Variants in TOM1 observed in about 807,000 individuals in gnomAD.
The protein encoded by TOM1 is target of Myb protein 1.
In TOM1, 38 loss-of-function variants were observed where a neutral mutation model predicts 61.3. The ratio of observed to expected loss-of-function variants is 0.62; its 90% CI spans 0.48 to 0.81. The LOEUF (loss-of-function observed/expected upper bound fraction) is 0.81. Ranked by LOEUF, TOM1 falls within the 40% of genes least tolerant of loss-of-function variation. The probability of loss-of-function intolerance (pLI) is 0.00; values close to 1 mark genes in which losing one functional copy is unlikely to be tolerated. For synonymous variants in TOM1, 270 were observed against 268.8 expected, an observed-to-expected ratio of 1.00 and a Z score of -0.04; for missense variants, 591 against 659.6, an observed-to-expected ratio of 0.90 and a Z score of 1.14.
At chr22:35,343,751 A>ACCACATGCATCTACACCTACACACACC in intron 12 of TOM1, among the ~76,000 whole-genome samples, 1 of 133,428 alleles carries the variant, frequency 7.5e-6, no homozygotes, top group African/African-American at 2.9e-5. Context: ...CTACACACAC[A>ACCACATGCATCTACACCTACACACACC]CCCCTACACC....
chr22:35,305,813 T>C (rs1402916439), intron 1 of TOM1, among the ~76,000 whole-genome samples: 1 of 152,158 alleles, frequency 6.6e-6, no homozygotes, highest in Non-Finnish European at 1.5e-5. Context: ...CTGGCTGCCT[T>C]GTTCAGTAGT....
intron 8 of TOM1, chr22:35,331,624 C>A: frequency 4.9e-6 from 1 of 203,312 alleles, no homozygotes; most frequent in Non-Finnish European, 1.0e-5. Flanking sequence ...TGGCTCACAC[C>A]TGTAATCCTA....
intron 1 of TOM1, among the ~76,000 whole-genome samples, chr22:35,305,658 C>CAAA (rs137868113): frequency 1.5e-5 from 2 of 130,500 alleles, no homozygotes; most frequent in African/African-American, 3.2e-5. Context: ...GACTCAATCT[C>CAAA]AAAAAAAAAA....
At chr22:35,313,405 C>T (rs966509445) in intron 1 of TOM1, among the ~76,000 whole-genome samples, 10 of 151,992 alleles carry the variant, frequency 6.6e-5, no homozygotes, top group Admixed American at 1.3e-4. Flanking sequence ...TGATCCTGCC[C>T]GTGGTGTGGC....
chr22:35,318,500 A>T (rs563512183), intron 2 of TOM1, among the ~76,000 whole-genome samples: 1 of 152,362 alleles, frequency 6.6e-6, no homozygotes, highest in African/African-American at 2.4e-5. Flanking sequence ...GGGTCACGGT[A>T]TCGTCTTGCT....
intron 12 of TOM1, among the ~76,000 whole-genome samples, chr22:35,343,115 CCACACACACCA>C (rs1165644829): frequency 5.2e-5 from 7 of 133,918 alleles, no homozygotes; most frequent in Non-Finnish European, 8.0e-5. Context: ...CCACACACAC[CCACACACACCA>C]CACACACACA....
Position 35,340,933 on chromosome 22 carries a change from G to A in TOM1, c.1224+2145G>A, listed in dbSNP as rs1013216755. Among the ~76,000 whole-genome samples the A allele has an allele frequency of 3.9e-5, 6 of 152,224 alleles. No homozygotes were observed. The East Asian group carries it at 5.8e-4, about 15-fold the overall frequency. ...CTGGGGTGGGCCATCTGGGCCTCTC[G>A]TGGACAGAGGTTGACTCTACCACCC... is the stretch of plus-strand genomic sequence containing the variant. On this transcript the variant is annotated intron_variant, in intron 12 of 14. Transcript: ENST00000449058.
At chr22:35,316,400 G>T (rs1002709242) in intron 1 of TOM1, among the ~76,000 whole-genome samples, 1 of 152,246 alleles carries the variant, frequency 6.6e-6, no homozygotes, top group Non-Finnish European at 1.5e-5. Flanking sequence ...CTAGGAAGGC[G>T]CAGAGAACAG....
At position 35,323,622 on chromosome 22, in the gene TOM1, C is replaced by A; in HGVS notation, c.493C>A (p.Pro165Thr). ...DLDMLSPIHTPQRTVFNSETQ... is the reference protein window; with the variant it reads ...DLDMLSPIHTTQRTVFNSETQ... ...GGACATGCTGTCACCCATCCACACA[C>A]CCCAGAGGGTGAGAGAACTGCCGTA... The change falls in exon 5 of 15, where the codon CCC becomes ACC. Residue 165 changes from proline to threonine, a missense_variant. Transcript: ENST00000449058. This position sits in a 1 kb window ranked among gnomAD's most constrained non-coding sequence, Gnocchi z 4.2. 1.2e-6 allele frequency: 2 copies of A among 1,614,172 alleles called. No homozygotes were observed. The highest frequency in any genetic ancestry group is 8.5e-7 in the Non-Finnish European group (1 of 1,180,042).
At chr22:35,302,901 G>C (rs1569015293) in intron 1 of TOM1, among the ~76,000 whole-genome samples, 1 of 152,092 alleles carries the variant, frequency 6.6e-6, no homozygotes, top group Non-Finnish European at 1.5e-5. Flanking sequence ...CTGCTCCCTG[G>C]CTGTGATTAC....
At chr22:35,341,047 C>T (rs1195576529) in intron 12 of TOM1, among the ~76,000 whole-genome samples, 1 of 152,252 alleles carries the variant, frequency 6.6e-6, no homozygotes, top group Admixed American at 6.5e-5. Context: ...GTCACATCCA[C>T]CGCACACACC....
intron 13 of TOM1, 152 bp downstream of exon 13, chr22:35,345,936 A>G: frequency 1.2e-6 from 1 of 825,744 alleles, no homozygotes; most frequent in Non-Finnish European, 2.0e-6. Flanking sequence ...CCACCTGCCC[A>G]CCTTGTGTTT....
In TOM1 at chr22:35,334,204, A is replaced by T. The variant is rs114547806; in HGVS notation, c.1028-124A>T. 6,265 of 1,367,446 alleles carry T rather than the reference A, an allele frequency of 4.6e-3. 227 individuals carry two copies. In the African/African-American group the frequency reaches 0.078, roughly 17 times the overall value. 84.7% of individuals were successfully genotyped at this position (1,367,446 alleles called of 1,614,324 possible). Reference sequence around the variant, plus strand: ...CAGCAGCAGGTGGCCTGCCTCGCGCATTCCCCCACCCACACGTGCCACTTC... The same window carrying T: ...CAGCAGCAGGTGGCCTGCCTCGCGCTTTCCCCCACCCACACGTGCCACTTC... On this transcript the variant is annotated intron_variant, in intron 10 of 14. Coordinates refer to ENST00000449058, the MANE Select transcript of TOM1 (RefSeq NM_005488.3).
At chr22:35,335,963 G>A (rs964993508) in intron 11 of TOM1, among the ~76,000 whole-genome samples, 1 of 152,114 alleles carries the variant, frequency 6.6e-6, no homozygotes, top group African/African-American at 2.4e-5. Flanking sequence ...CACAGCAGCT[G>A]GGAAAGATGC....
rs1927829334 is a variant in TOM1, at chr22:35,321,954, C to G, written c.138-5C>G. The G allele has an allele frequency of 1.2e-6, 2 of 1,613,980 alleles. No individual in the cohort carries two copies. Among genetic ancestry groups the G allele is most frequent in the Non-Finnish European group, 1.7e-6 (2 of 1,179,850 alleles). Reference sequence around the variant, plus strand: ...TAAGCCCACCCTTTTTCTTGTCCTCCTTAGTCCCAAAGATGCCCTCCGAGC... The same window carrying G: ...TAAGCCCACCCTTTTTCTTGTCCTCGTTAGTCCCAAAGATGCCCTCCGAGC... On this transcript the variant is annotated splice_polypyrimidine_tract_variant and splice_region_variant and intron_variant, in intron 2 of 14. Transcript: ENST00000449058.
intron 2 of TOM1, among the ~76,000 whole-genome samples, chr22:35,319,687 G>A (rs1261525633): frequency 6.6e-6 from 1 of 152,178 alleles, no homozygotes; most frequent in Non-Finnish European, 1.5e-5. Flanking sequence ...CCCTAGAAGA[G>A]GTGGAAAGAA....
rs528398137 is a variant in TOM1, at chr22:35,318,963, G to A, written c.137+1002G>A. Reference sequence around the variant, plus strand: ...TGGAGGGCAGGGAGTGCCCAGCTCTGAGCTGGAGGGAGGCTGTGGGCATCT... The same window carrying A: ...TGGAGGGCAGGGAGTGCCCAGCTCTAAGCTGGAGGGAGGCTGTGGGCATCT... On this transcript the variant is annotated intron_variant, in intron 2 of 14. Coordinates refer to ENST00000449058, the MANE Select transcript of TOM1 (RefSeq NM_005488.3). Among the ~76,000 whole-genome samples, 5 of 152,336 alleles carry A rather than the reference G, an allele frequency of 3.3e-5. No homozygotes were observed. In the South Asian group the frequency reaches 1.0e-3, roughly 32 times the overall value.
chr22:35,310,422 A>G (rs1926720022), intron 1 of TOM1, among the ~76,000 whole-genome samples: 1 of 152,182 alleles, frequency 6.6e-6, no homozygotes, highest in African/African-American at 2.4e-5. Flanking sequence ...GCATGGTGGC[A>G]CACGCCTGTA....
At chr22:35,333,790 C>T (rs1237252246) in intron 10 of TOM1, among the ~76,000 whole-genome samples, 1 of 152,158 alleles carries the variant, frequency 6.6e-6, no homozygotes, top group African/African-American at 2.4e-5. Flanking sequence ...TGGGCAAGTT[C>T]CTTAAACCTC....
Sources: allele counts gnomAD v4.1 joint callset (sites outside exome capture counted in the v4.1 genomes callset), GRCh38; gene constraint gnomAD v4.1.1; non-coding constraint Gnocchi (gnomAD v3.1); transcripts MANE v1.5; gene names NCBI Gene and HGNC (gene_info 2026-07-23, HGNC 2026-07-21).